NELL1: variants seen among roughly 807,000 people sequenced by gnomAD.
NELL1 encodes the protein protein kinase C-binding protein NELL1.
In NELL1, 76 loss-of-function variants were observed where a neutral mutation model predicts 107.4. The ratio of observed to expected loss-of-function variants is 0.71; its 90% confidence interval spans 0.59 to 0.86. The LOEUF is 0.86. Ranked by LOEUF, NELL1 falls within the 40% of genes least tolerant of loss-of-function variation. The pLI is 0.00. For synonymous variants in NELL1, 353 were observed against 341.2 expected (o/e 1.03, Z -0.38); for missense variants, 1,024 against 1,005.5 (o/e 1.02, Z -0.25).
At chr11:21,212,837 A>C (rs533709813) in intron 13 of NELL1, among the ~76,000 whole-genome samples, 1 of 152,330 alleles carries the variant, frequency 6.6e-6, no homozygotes, top group African/African-American at 2.4e-5. Flanking sequence ...CTCTTGGGCA[A>C]CATAGCACTG....
At chr11:20,937,326 TCC>T (rs1286838295) in intron 9 of NELL1, among the ~76,000 whole-genome samples, 4 of 152,144 alleles carry the variant, frequency 2.6e-5, no homozygotes, top group Non-Finnish European at 5.9e-5. Context: ...TCACGCCCAC[TCC>T]CATGATCACA....
At chr11:21,534,594 C>G (rs1856086008) in intron 16 of NELL1, 80 bp downstream of exon 16, 2 of 1,441,058 alleles carry the variant, frequency 1.4e-6, no homozygotes, top group East Asian at 2.3e-5. Context: ...CTGTTCAGCT[C>G]CCAGTGTTAA....
intron 13 of NELL1, among the ~76,000 whole-genome samples, chr11:21,123,476 A>G (rs1855419282): frequency 6.6e-6 from 1 of 152,148 alleles, no homozygotes; most frequent in African/African-American, 2.4e-5. Flanking sequence ...AATGAAAATT[A>G]GATAGCAGTT....
chr11:20,771,248 TA>T (rs1395611059), intron 2 of NELL1, among the ~76,000 whole-genome samples: 1 of 152,156 alleles, frequency 6.6e-6, no homozygotes, highest in Non-Finnish European at 1.5e-5. Context: ...CCATCTGAGG[TA>T]ATGCTGCCCT....
chr11:21,462,443 CT>C (rs1393556685), intron 15 of NELL1, among the ~76,000 whole-genome samples: 1 of 151,938 alleles, frequency 6.6e-6, no homozygotes, highest in Non-Finnish European at 1.5e-5. Context: ...AGATTGTTTT[CT>C]TTCCCCCCTC....
intron 14 of NELL1, chr11:21,260,686 A>T (rs1363023890): frequency 6.6e-6 from 1 of 151,898 alleles, no homozygotes; most frequent in Non-Finnish European, 1.5e-5. Flanking sequence ...GTCTTCATCC[A>T]CAGGAGAGAA....
intron 15 of NELL1, among the ~76,000 whole-genome samples, chr11:21,436,061 GTATT>G (rs1338844417): frequency 6.6e-6 from 1 of 151,674 alleles, no homozygotes; most frequent in Non-Finnish European, 1.5e-5. Flanking sequence ...TCTTTCTTAT[GTATT>G]TATTTATTTA....
At chr11:21,211,548 G>T (rs1360127357) in intron 13 of NELL1, among the ~76,000 whole-genome samples, 1 of 152,168 alleles carries the variant, frequency 6.6e-6, no homozygotes, top group Non-Finnish European at 1.5e-5. Context: ...CTAAAAGATT[G>T]CTGTAAGTGC....
chr11:21,475,947 A>G (rs555654880), intron 15 of NELL1, among the ~76,000 whole-genome samples: 4 of 152,260 alleles, frequency 2.6e-5, no homozygotes, highest in African/African-American at 9.6e-5. Flanking sequence ...CTTTCTTAGT[A>G]CTTCTATTAC....
chr11:21,478,003 A>G (rs1416653212), intron 15 of NELL1, among the ~76,000 whole-genome samples: 2 of 152,008 alleles, frequency 1.3e-5, no homozygotes, highest in East Asian at 1.9e-4. Context: ...TCACACTGCT[A>G]TAAAGATACT....
In NELL1 at chr11:21,318,097, G is replaced by A. The variant is rs1055082088; in HGVS notation, c.1550-52756G>A. Reference sequence around the variant, plus strand: ...TATATGTCAATTGTGAACAATTTAAGACTTCAAAGTTCCTGTTACCCTCTA... The same window carrying A: ...TATATGTCAATTGTGAACAATTTAAAACTTCAAAGTTCCTGTTACCCTCTA... On this transcript the variant is annotated intron_variant, in intron 14 of 19. Coordinates refer to ENST00000357134, the MANE Select transcript of NELL1 (RefSeq NM_006157.5). Among the ~76,000 whole-genome samples the A allele has an allele frequency of 2.6e-5, 4 of 152,156 alleles. No homozygotes were observed. The South Asian group carries it at 8.3e-4, about 32-fold the overall frequency.
chr11:21,563,675 A>G (rs1288063227), intron 17 of NELL1, among the ~76,000 whole-genome samples: 1 of 152,048 alleles, frequency 6.6e-6, no homozygotes, highest in East Asian at 1.9e-4. Context: ...TGCAAATACT[A>G]TGCCATTTTA....
At position 20,746,493 on chromosome 11, in the gene NELL1, C is replaced by G. The variant is rs1053557742; in HGVS notation, c.185-37187C>G. Among the ~76,000 whole-genome samples the G allele has an allele frequency of 2.6e-5, 4 of 151,230 alleles. No individual in the cohort carries two copies. The South Asian group carries it at 6.3e-4, about 24-fold the overall frequency. ...TCCCTTCACATATGTAGAAAAGCAT[C>G]GAAGTATGTGGCATACAGAGCCACT... On this transcript the variant is annotated intron_variant, in intron 2 of 19. Transcript: ENST00000357134.
At position 21,070,531 on chromosome 11, in the gene NELL1, G is replaced by A. The variant is rs144403740; in HGVS notation, c.1301-43058G>A. ...GTTCCAGGGGCTCCATGAGGATTCTGCTACTGAAATTGAACAATATTTTTC... is the reference window on the plus strand; with the variant it reads ...GTTCCAGGGGCTCCATGAGGATTCTACTACTGAAATTGAACAATATTTTTC... On this transcript the variant is annotated intron_variant, in intron 12 of 19. Coordinates refer to ENST00000357134, the MANE Select transcript of NELL1 (RefSeq NM_006157.5). Among the ~76,000 whole-genome samples, 28 of 152,210 alleles carry A rather than the reference G, an allele frequency of 1.8e-4. No individual in the cohort carries two copies. In the East Asian group the frequency reaches 4.6e-3, roughly 25 times the overall value.
At chr11:21,481,857 G>A (rs1282350642) in intron 15 of NELL1, among the ~76,000 whole-genome samples, 1 of 152,146 alleles carries the variant, frequency 6.6e-6, no homozygotes, top group Non-Finnish European at 1.5e-5. Flanking sequence ...AGCTCCGCTG[G>A]TAGAGGTAAG....
rs183816593 is a variant in NELL1, at chr11:21,424,420, A to G, written c.1645+53472A>G. Among the ~76,000 whole-genome samples the G allele has an allele frequency of 5.0e-4, 76 of 152,204 alleles. 1 individual carries two copies. The highest frequency in any genetic ancestry group is 1.3e-3 in the African/African-American group (53 of 41,556). ...CGGATCACTTGAGGTCAGGAGTTCA[A>G]GACCAGCCTGGCCAACATGGTGAAA... is the stretch of plus-strand genomic sequence containing the variant. On this transcript the variant is annotated intron_variant, in intron 15 of 19. Transcript: ENST00000357134.
intron 11 of NELL1, among the ~76,000 whole-genome samples, chr11:20,948,040 TTTA>T (rs1298505055): frequency 6.6e-6 from 1 of 152,000 alleles, no homozygotes. Flanking sequence ...TAAATTTTTA[TTTA>T]TTATTATTAT....
chr11:21,186,882 A>T (rs1465014398), intron 13 of NELL1, among the ~76,000 whole-genome samples: 2 of 151,932 alleles, frequency 1.3e-5, no homozygotes, highest in Non-Finnish European at 2.9e-5. Context: ...TTCTGAGTAC[A>T]GAAAGTCATT....
intron 12 of NELL1, among the ~76,000 whole-genome samples, chr11:20,972,616 C>A (rs1851523872): frequency 6.6e-6 from 1 of 152,184 alleles, no homozygotes; most frequent in East Asian, 1.9e-4. Context: ...TACCAAAAAG[C>A]AAAAGAGCAT....
Sources: allele counts gnomAD v4.1 joint callset (sites outside exome capture counted in the v4.1 genomes callset), GRCh38; gene constraint gnomAD v4.1.1; transcripts MANE v1.5; gene names NCBI Gene and HGNC (gene_info 2026-07-23, HGNC 2026-07-21).